The following ATXN7L1 variants were observed in gnomAD, a reference collection of about 807,000 sequenced individuals.
ATXN7L1 encodes the protein ataxin-7-like protein 1.
Under a neutral mutation model 70.8 loss-of-function variants are expected in ATXN7L1, and 15 were observed. The observed-to-expected ratio is 0.21, with a 90% CI of 0.14 to 0.33. ATXN7L1 has a LOEUF of 0.33. Ranked by LOEUF, ATXN7L1 falls within the 10% of genes least tolerant of loss-of-function variation. ATXN7L1 has a pLI of 1.00. For synonymous variants in ATXN7L1, 440 were observed against 445.1 expected (o/e 0.99, Z 0.14); for missense variants, 975 against 1,097.1 (o/e 0.89, Z 1.57).
intron 2 of ATXN7L1, among the ~76,000 whole-genome samples, chr7:105,864,662 G>A (rs1237669430): frequency 6.7e-6 from 1 of 150,246 alleles, no homozygotes; most frequent in Non-Finnish European, 1.5e-5. Flanking sequence ...GAGACGGAGT[G>A]TCACTCTGTC....
intron 1 of ATXN7L1, 82 bp from the exon 2 acceptor site, chr7:105,875,962 G>T: frequency 8.3e-7 from 1 of 1,202,978 alleles, no homozygotes; most frequent in Non-Finnish European, 1.2e-6. Context: ...GAGGGAGAGT[G>T]TTTATTTGCA....
At chr7:105,797,896 A>G (rs1372201798) in intron 2 of ATXN7L1, among the ~76,000 whole-genome samples, 1 of 152,200 alleles carries the variant, frequency 6.6e-6, no homozygotes, top group Admixed American at 6.5e-5. Context: ...CGCCCTTCCT[A>G]TCTCCATAGT....
chr7:105,618,014 A>T (rs564512013), intron 9 of ATXN7L1: 1 of 456,734 alleles, frequency 2.2e-6, no homozygotes, highest in Non-Finnish European at 4.4e-6. Context: ...GGCAGCCCCA[A>T]TGTTGCTCAG....
intron 3 of ATXN7L1, among the ~76,000 whole-genome samples, chr7:105,705,018 A>AT (rs756514030): frequency 6.6e-6 from 1 of 150,602 alleles, no homozygotes; most frequent in African/African-American, 2.4e-5. Context: ...TTTTTATTTT[A>AT]TTTATTTATT....
At chr7:105,732,742 T>G (rs531963535) in intron 3 of ATXN7L1, among the ~76,000 whole-genome samples, 1 of 152,232 alleles carries the variant, frequency 6.6e-6, no homozygotes, top group African/African-American at 2.4e-5. Context: ...GCTTTGGAGA[T>G]CCATCACTCT....
intron 3 of ATXN7L1, among the ~76,000 whole-genome samples, chr7:105,773,046 G>T (rs1346905798): frequency 6.6e-6 from 1 of 152,108 alleles, no homozygotes; most frequent in African/African-American, 2.4e-5. Context: ...CAATAGTAAG[G>T]CCACTCCCTC....
chr7:105,727,769 T>TATATATATATA (rs1471265583), intron 3 of ATXN7L1, among the ~76,000 whole-genome samples: 25 of 120,266 alleles, frequency 2.1e-4, no homozygotes, highest in Admixed American at 5.2e-4. Context: ...TATATATATA[T>TATATATATATA]ATATATATAC....
intron 3 of ATXN7L1, among the ~76,000 whole-genome samples, chr7:105,733,260 G>A (rs1288007545): frequency 2.6e-5 from 4 of 152,122 alleles, no homozygotes; most frequent in Non-Finnish European, 5.9e-5. Context: ...ATCACAATAT[G>A]GTGAATCATA....
chr7:105,821,988 C>T (rs1195219496), intron 2 of ATXN7L1, among the ~76,000 whole-genome samples: 2 of 152,272 alleles, frequency 1.3e-5, no homozygotes, highest in Non-Finnish European at 2.9e-5. Context: ...TTCAGTGACA[C>T]TGCTGTAGGG....
chr7:105,765,214 A>G (rs1402557976), intron 3 of ATXN7L1, among the ~76,000 whole-genome samples: 1 of 151,846 alleles, frequency 6.6e-6, no homozygotes, highest in Non-Finnish European at 1.5e-5. Flanking sequence ...CATGCCTGTA[A>G]TCCCAGCTAC....
At chr7:105,863,600 G>A (rs1816956989) in intron 2 of ATXN7L1, among the ~76,000 whole-genome samples, 1 of 152,156 alleles carries the variant, frequency 6.6e-6, no homozygotes, top group Non-Finnish European at 1.5e-5. Flanking sequence ...ACAGACATCA[G>A]GACACAGTGC....
At chr7:105,779,285 A>G (rs145828361) in intron 3 of ATXN7L1, among the ~76,000 whole-genome samples, 26 of 152,346 alleles carry the variant, frequency 1.7e-4, no homozygotes, top group African/African-American at 6.0e-4. Context: ...TAAATAACAC[A>G]TTAAAATGTT....
intron 3 of ATXN7L1, among the ~76,000 whole-genome samples, chr7:105,733,874 CCATCCAT>C (rs771092472): frequency 4.9e-5 from 7 of 143,984 alleles, no homozygotes; most frequent in Admixed American, 4.8e-4. Flanking sequence ...ATCCATCCAT[CCATCCAT>C]CATCCATCAT....
chr7:105,737,528 CGTGTGTGTGT>C lies in ATXN7L1; in HGVS notation c.355+51066_355+51075del, dbSNP rs71520935. 6.8e-3 allele frequency among the ~76,000 whole-genome samples: 1,015 copies of C among 148,718 alleles called. 7 individuals are homozygous for C. Among genetic ancestry groups the C allele is most frequent in the African/African-American group, 0.015 (599 of 40,658 alleles). On this transcript the variant is annotated intron_variant, in intron 3 of 11. Transcript: ENST00000419735. ...CTAGCATGCTGCCTACTAACGTCCC[CGTGTGTGTGT>C]GTGTGTGTGTGTGTGTGTGTGTGTG...
intron 4 of ATXN7L1, chr7:105,649,330 G>C (rs1799521408): frequency 3.2e-5 from 31 of 976,448 alleles, no homozygotes; most frequent in Non-Finnish European, 3.8e-5. Context: ...CTGTACCTCT[G>C]TCTCGGTCCT....
intron 3 of ATXN7L1, among the ~76,000 whole-genome samples, chr7:105,727,748 A>G (rs113273496): frequency 0.039 from 987 of 25,510 alleles, 84 homozygotes; most frequent in African/African-American, 0.15. Context: ...GTATGTGTGT[A>G]TATATATATA....
chr7:105,642,089 G>A (rs1286314414), intron 5 of ATXN7L1, among the ~76,000 whole-genome samples: 1 of 152,152 alleles, frequency 6.6e-6, no homozygotes, highest in Non-Finnish European at 1.5e-5. Context: ...TGGTCTTTTG[G>A]AGAAAGTAAA....
rs73193843 is a variant in ATXN7L1, at chr7:105,861,139, A to G, written c.250+14673T>C. On this transcript the variant is annotated intron_variant, in intron 2 of 11. Coordinates refer to ENST00000419735, the MANE Select transcript of ATXN7L1 (RefSeq NM_020725.2). The stretch of plus-strand genomic sequence containing the variant: ...AGATGCAGAGGGCAGGCAGAGGCAG[A>G]GAAGGGGGCAGGGAAAGGACTCCAC... Among the ~76,000 whole-genome samples the G allele has an allele frequency of 8.6e-3, 1,313 of 152,176 alleles. 12 individuals carry two copies. Among genetic ancestry groups the G allele is most frequent in the Middle Eastern group, 0.017 (5 of 294 alleles).
intron 9 of ATXN7L1, among the ~76,000 whole-genome samples, chr7:105,617,371 A>C (rs1017421762): frequency 1.3e-5 from 2 of 152,356 alleles, no homozygotes; most frequent in Non-Finnish European, 1.5e-5. Flanking sequence ...TTCCAATTAA[A>C]TAGTATAAAT....
Sources: gnomAD v4.1 joint callset for allele counts (sites outside exome capture counted in the v4.1 genomes callset) on GRCh38, gnomAD v4.1.1 for gene constraint, MANE v1.5 for transcripts, NCBI Gene and HGNC (gene_info 2026-07-23, HGNC 2026-07-21) for gene names.